Variants in HSD17B6 observed in about 807,000 individuals in gnomAD.
The protein encoded by HSD17B6 is hydroxysteroid 17-beta dehydrogenase 6.
Under a neutral mutation model 26.4 loss-of-function variants are expected in HSD17B6, and 16 were observed. The ratio of observed to expected loss-of-function variants is 0.61; its 90% confidence interval spans 0.41 to 0.92. The LOEUF (loss-of-function observed/expected upper bound fraction) is 0.92. Among genes scored for constraint, HSD17B6 ranks in the 40% least tolerant of loss-of-function variants. The pLI, the probability that HSD17B6 is intolerant of heterozygous loss-of-function variation, is 0.00. For missense variants in HSD17B6, 357 were observed against 386.1 expected (o/e 0.92, Z 0.63); for synonymous variants, 139 against 153.0 (o/e 0.91, Z 0.68).
chr12:56,783,766 C>A (rs1156665014), intron 3 of HSD17B6, among the ~76,000 whole-genome samples: 1 of 137,628 alleles, frequency 7.3e-6, no homozygotes, highest in Admixed American at 7.1e-5. Flanking sequence ...TAGGGGCGGC[C>A]GGGCAGAGGC....
chr12:56,787,394 A>G lies in HSD17B6; in HGVS notation c.*52A>G, dbSNP rs556311047. 4 of 1,196,692 alleles carry G rather than the reference A, an allele frequency of 3.3e-6. No individual in the cohort carries two copies. The South Asian group carries it at 5.2e-5, about 16-fold the overall frequency. The allele number at this position is 1,196,692 out of a possible 1,614,324, so 74.1% of individuals were successfully genotyped here. A position where few individuals can be genotyped will look rare whatever the true frequency, so the allele number is the denominator to read the frequency against. ...ATGAAGGCAAAAATCTGAAATTGTT[A>G]GTGTCTCAGTAATCCTGATTTAGAA... is the stretch of plus-strand genomic sequence containing the variant. On this transcript the variant is annotated 3_prime_UTR_variant, in exon 5 of 5. Coordinates refer to ENST00000322165, the MANE Select transcript of HSD17B6 (RefSeq NM_003725.4).
chr12:56,770,018 G>T (rs931002166), intron 1 of HSD17B6, among the ~76,000 whole-genome samples: 1 of 152,200 alleles, frequency 6.6e-6, no homozygotes, highest in Non-Finnish European at 1.5e-5. Flanking sequence ...AAACAGTCAG[G>T]TTGAAGCTCT....
At chr12:56,777,365 A>ATTTTTTTT (rs60596799) in intron 2 of HSD17B6, among the ~76,000 whole-genome samples, 7,104 of 138,582 alleles carry the variant, frequency 0.051, 463 homozygotes, top group African/African-American at 0.14. Flanking sequence ...CAAAGTGTAA[A>ATTTTTTTT]TTTTTTTTTT....
At chr12:56,778,674 CTTTTT>C (rs1159153527) in intron 2 of HSD17B6, among the ~76,000 whole-genome samples, 2 of 122,962 alleles carry the variant, frequency 1.6e-5, no homozygotes, top group Admixed American at 8.2e-5. Context: ...GAGTCTTTTT[CTTTTT>C]TTTTTTTTTT....
At chr12:56,774,354 T>C (rs545189044) in intron 2 of HSD17B6, among the ~76,000 whole-genome samples, 189 bp downstream of exon 2, 1 of 152,296 alleles carries the variant, frequency 6.6e-6, no homozygotes. Context: ...CTTTAAGGTA[T>C]GGATACTTTA....
chr12:56,771,898 G>A (rs534664358), intron 1 of HSD17B6, among the ~76,000 whole-genome samples: 1 of 152,244 alleles, frequency 6.6e-6, no homozygotes, highest in Non-Finnish European at 1.5e-5. Context: ...TTTCCCCCAT[G>A]TTGAGTTCTC....
chr12:56,783,481 C>T (rs545076361), intron 3 of HSD17B6, among the ~76,000 whole-genome samples: 13 of 144,422 alleles, frequency 9.0e-5, no homozygotes, highest in South Asian at 4.3e-4. Context: ...GGCAGCTGGC[C>T]GGGCGGGGAG....
intron 1 of HSD17B6, among the ~76,000 whole-genome samples, chr12:56,767,626 T>C (rs377757829): frequency 5.7e-5 from 8 of 141,366 alleles, no homozygotes; most frequent in African/African-American, 7.8e-5. Flanking sequence ...ATATATAACA[T>C]ATATATTATA....
intron 3 of HSD17B6, among the ~76,000 whole-genome samples, chr12:56,782,678 T>TC (rs1954750226): frequency 6.6e-6 from 1 of 151,476 alleles, no homozygotes; most frequent in Non-Finnish European, 1.5e-5. Flanking sequence ...TTTTTTTTTT[T>TC]TTATTGATCA....
intron 1 of HSD17B6, among the ~76,000 whole-genome samples, chr12:56,773,544 A>G (rs568569197): frequency 1.4e-4 from 21 of 152,302 alleles, no homozygotes; most frequent in African/African-American, 5.1e-4. Flanking sequence ...TACTTATCCT[A>G]TTTGGTAGGA....
chr12:56,779,862 G>A (rs933187377), intron 2 of HSD17B6, among the ~76,000 whole-genome samples: 66 of 118,860 alleles, frequency 5.6e-4, no homozygotes, highest in African/African-American at 1.9e-3. Context: ...TGCTTTCTTC[G>A]TTACCGAATA....
At chr12:56,767,649 A>G (rs1341465085) in intron 1 of HSD17B6, among the ~76,000 whole-genome samples, 2 of 144,730 alleles carry the variant, frequency 1.4e-5, no homozygotes, top group African/African-American at 5.0e-5. Context: ...AATATATTAT[A>G]TATATTATAT....
At chr12:56,783,320 G>GC (rs1226213194) in intron 3 of HSD17B6, among the ~76,000 whole-genome samples, 2 of 120,742 alleles carry the variant, frequency 1.7e-5, no homozygotes, top group African/African-American at 6.2e-5. Context: ...GGGGGGCTGA[G>GC]CCCCCCACCT....
intron 3 of HSD17B6, 40 bp from the exon 4 acceptor site, chr12:56,784,813 G>A (rs1954838964): frequency 1.3e-6 from 2 of 1,588,832 alleles, no homozygotes; most frequent in East Asian, 2.2e-5. Context: ...CATTGAAATG[G>A]TGGTGGTCTT....
At chr12:56,782,660 A>ATTT (rs62818963) in intron 3 of HSD17B6, among the ~76,000 whole-genome samples, 10 of 133,104 alleles carry the variant, frequency 7.5e-5, no homozygotes, top group Non-Finnish European at 9.7e-5. Context: ...TGCCCAGCTA[A>ATTT]TTTTTTTTTT....
intron 2 of HSD17B6, among the ~76,000 whole-genome samples, chr12:56,774,902 G>T (rs1207777494): frequency 6.6e-6 from 1 of 152,210 alleles, no homozygotes; most frequent in African/African-American, 2.4e-5. Flanking sequence ...CCTGCTGTGT[G>T]GCCTGGTTTC....
In HSD17B6 at chr12:56,784,854, C is replaced by T. The variant is rs775807379; in HGVS notation, c.574C>T (p.Arg192Cys). ...GVEAFSDILR[R>C]EIQHFGVKIS... Reference sequence around the variant, plus strand: ...ATAACTTGTGGGGTTTTATTTCAGGCGTGAGATTCAACATTTTGGGGTGAA... The same window carrying T: ...ATAACTTGTGGGGTTTTATTTCAGGTGTGAGATTCAACATTTTGGGGTGAA... Residue 192 changes from arginine (R) to cysteine (C), a missense_variant and splice_region_variant, in exon 4 of 5, where the codon CGT (arginine) becomes TGT (cysteine). Physicochemically the swap from Arg to Cys is radical, Grantham distance 180. Coordinates refer to ENST00000322165, the MANE Select transcript of HSD17B6 (RefSeq NM_003725.4). 2.2e-5 allele frequency: 35 copies of T among 1,612,454 alleles called. No individual in the cohort carries two copies. Among genetic ancestry groups the T allele is most frequent in the African/African-American group, 4.0e-5 (3 of 74,802 alleles).
At chr12:56,785,042 T>C (rs1189077041) in intron 4 of HSD17B6, 26 bp downstream of exon 4, 1 of 1,597,394 alleles carries the variant, frequency 6.3e-7, no homozygotes, top group South Asian at 1.1e-5. Flanking sequence ...TTGATAGGGA[T>C]AATGGGTACC....
Position 56,781,982 on chromosome 12 carries a change from G to A in HSD17B6, c.322G>A (p.Gly108Arg), listed in dbSNP as rs1480746918. 3.1e-6 allele frequency: 5 copies of A among 1,613,836 alleles called. No individual in the cohort carries two copies. Among genetic ancestry groups the A allele is most frequent in the Admixed American group, 3.3e-5 (2 of 60,000 alleles). ...KEHVGDRGLWGLVNNAGILTP... is the reference protein window; with the variant it reads ...KEHVGDRGLWRLVNNAGILTP... ...ACTTTTAATTGTTTTAGGACTCTGG[G>A]GACTGGTGAACAATGCAGGCATTCT... Residue 108 changes from glycine to arginine, a missense_variant, in exon 3 of 5, where the codon GGA becomes AGA. Transcript: ENST00000322165.
Sources: gnomAD v4.1 joint callset for allele counts (sites outside exome capture counted in the v4.1 genomes callset) on GRCh38, gnomAD v4.1.1 for gene constraint, MANE v1.5 for transcripts, NCBI Gene and HGNC (gene_info 2026-07-23, HGNC 2026-07-21) for gene names.